GPHN: variants seen among roughly 807,000 people sequenced by gnomAD.
GPHN encodes the protein gephyrin.
In GPHN, 17 loss-of-function variants were observed where a neutral mutation model predicts 95.5. That is an observed-to-expected ratio of 0.18 (90% CI 0.12 to 0.27). The LOEUF (loss-of-function observed/expected upper bound fraction) is 0.27. Among genes scored for constraint, GPHN ranks in the 10% least tolerant of loss-of-function variants. The probability of loss-of-function intolerance (pLI) is 1.00; values close to 1 mark genes in which losing one functional copy is unlikely to be tolerated. For synonymous variants in GPHN, 320 were observed against 322.5 expected, an observed-to-expected ratio of 0.99 and a Z score of 0.08; for missense variants, 660 against 978.1, an observed-to-expected ratio of 0.67 and a Z score of 4.34.
Position 67,144,240 on chromosome 14 carries a change from AAAAAAAAAAAATATATATATATATAT to A in GPHN, c.1836+793_1836+818del, listed in dbSNP as rs1265378662. On this transcript the variant is annotated intron_variant, in intron 18 of 22. Coordinates refer to ENST00000478722, the MANE Select transcript of GPHN (RefSeq NM_020806.5). ...CAACACAGCAAGACCCTGTCTTAAA[AAAAAAAAAAAATATATATATATATAT>A]ATATATATATATATATATATACACA... Among the ~76,000 whole-genome samples, 3 of 54,524 alleles carry A rather than the reference AAAAAAAAAAAATATATATATATATAT, an allele frequency of 5.5e-5. 1 individual carries two copies. Among genetic ancestry groups the A allele is most frequent in the African/African-American group, 3.9e-4 (3 of 7,708 alleles). The allele number at this position is 54,524 out of a possible 152,430, so 35.8% of individuals were successfully genotyped here. A position where few individuals can be genotyped will look rare whatever the true frequency, so the allele number is the denominator to read the frequency against.
At chr14:67,722,415 C>A in the GPHN span, 2 of 606,752 alleles carry the variant, frequency 3.3e-6, no homozygotes, top group Admixed American at 5.5e-5. Flanking sequence ...TCCATCCCCT[C>A]CCCACCAGGA....
intron 10 of GPHN, among the ~76,000 whole-genome samples, chr14:67,045,801 C>G (rs2074989081): frequency 6.6e-6 from 1 of 151,488 alleles, no homozygotes; most frequent in East Asian, 2.0e-4. Flanking sequence ...GCATCTGTCT[C>G]TTTCTCTCTC....
At chr14:67,306,342 CTTTTGTT>C in the GPHN span, among the ~76,000 whole-genome samples, 1 of 151,684 alleles carries the variant, frequency 6.6e-6, no homozygotes, top group African/African-American at 2.4e-5. Context: ...CTTCTTTTCT[CTTTTGTT>C]TTTTGTTTTT....
chr14:67,225,966 C>CGCGCGCGCGCGTGCGCATGCGCGT, the GPHN span, among the ~76,000 whole-genome samples: 1 of 64,114 alleles, frequency 1.6e-5, no homozygotes, highest in African/African-American at 4.3e-5. Context: ...TGTGTGTGCG[C>CGCGCGCGCGCGTGCGCATGCGCGT]GCGCGCGCGT....
At chr14:67,662,761 G>A in the GPHN span, among the ~76,000 whole-genome samples, 47 of 152,038 alleles carry the variant, frequency 3.1e-4, 1 homozygote, top group Middle Eastern at 6.8e-3. Context: ...AAAATTAGCC[G>A]GGCGTGGTGG....
At chr14:67,193,053 T>A in the GPHN span, among the ~76,000 whole-genome samples, 15 of 145,320 alleles carry the variant, frequency 1.0e-4, 1 homozygote, top group Non-Finnish European at 1.5e-5. Context: ...GATATAGATA[T>A]ATCTCTATAT....
Position 66,868,122 on chromosome 14 carries a change from A to T in GPHN, c.295-11817A>T, listed in dbSNP as rs2063296191. Among the ~76,000 whole-genome samples, 2 of 152,174 alleles carry T rather than the reference A, an allele frequency of 1.3e-5. 1 individual carries two copies. Among genetic ancestry groups the T allele is most frequent in the South Asian group, 4.1e-4 (2 of 4,830 alleles). ...ATAACTTAACAAAGTTATTATTAAT[A>T]GTAGTCATTAGCTGGTATTTCAAAG... On this transcript the variant is annotated intron_variant, in intron 4 of 22. Transcript: ENST00000478722.
intron 1 of GPHN, among the ~76,000 whole-genome samples, chr14:66,509,787 A>G (rs570245623): frequency 2.0e-5 from 3 of 152,130 alleles, no homozygotes; most frequent in Non-Finnish European, 2.9e-5. Context: ...AAATTCTGAC[A>G]GGTCGAGACG....
At chr14:66,834,509 T>C (rs2061713108) in intron 4 of GPHN, among the ~76,000 whole-genome samples, 1 of 152,154 alleles carries the variant, frequency 6.6e-6, no homozygotes, top group Non-Finnish European at 1.5e-5. Context: ...TGTATTGAGA[T>C]AATCATGTGG....
At chr14:67,143,267 G>A in intron 17 of GPHN, 95 bp from the exon 18 acceptor site, 2 of 791,234 alleles carry the variant, frequency 2.5e-6, no homozygotes, top group East Asian at 2.5e-5. Context: ...TCATGTTAAT[G>A]CCTATTAGTG....
At chr14:66,932,462 T>TTTTG (rs2066870791) in intron 8 of GPHN, among the ~76,000 whole-genome samples, 5 of 131,262 alleles carry the variant, frequency 3.8e-5, no homozygotes, top group Non-Finnish European at 8.0e-5. Context: ...TTTTTTTTTT[T>TTTTG]TTTTTTTTTT....
chr14:67,325,895 G>T, the GPHN span, among the ~76,000 whole-genome samples: 1 of 150,236 alleles, frequency 6.7e-6, no homozygotes, highest in African/African-American at 2.5e-5. Flanking sequence ...TGCAACCTCC[G>T]CCTCCTGGGT....
At chr14:67,143,744 T>C (rs1290419172) in intron 18 of GPHN, among the ~76,000 whole-genome samples, 1 of 152,142 alleles carries the variant, frequency 6.6e-6, no homozygotes, top group Non-Finnish European at 1.5e-5. Context: ...ACATCCTTTA[T>C]GCATGATATT....
the GPHN span, among the ~76,000 whole-genome samples, chr14:67,363,205 C>T: frequency 6.6e-6 from 1 of 151,760 alleles, no homozygotes. Context: ...ACAGTTTCCC[C>T]ACCCCCACCC....
At chr14:67,093,723 C>G (rs1188322621) in intron 12 of GPHN, among the ~76,000 whole-genome samples, 2 of 152,084 alleles carry the variant, frequency 1.3e-5, no homozygotes, top group African/African-American at 2.4e-5. Flanking sequence ...ATGCCCACCT[C>G]CCTGCGTTCC....
At chr14:67,512,615 A>G in the GPHN span, among the ~76,000 whole-genome samples, 1 of 152,150 alleles carries the variant, frequency 6.6e-6, no homozygotes, top group African/African-American at 2.4e-5. Context: ...CCCTCCCCTC[A>G]AGGACAGCCA....
intron 1 of GPHN, among the ~76,000 whole-genome samples, chr14:66,593,172 T>C (rs2061830571): frequency 6.6e-6 from 1 of 151,962 alleles, no homozygotes; most frequent in African/African-American, 2.4e-5. Context: ...AGGGAAAGGA[T>C]AGCATTAGGA....
the GPHN span, among the ~76,000 whole-genome samples, chr14:67,211,900 C>T: frequency 6.6e-6 from 1 of 152,156 alleles, no homozygotes; most frequent in South Asian, 2.1e-4. Context: ...GAACCAGTTT[C>T]TGTAGGTTCT....
At chr14:66,583,178 GTCT>G (rs1411963805) in intron 1 of GPHN, among the ~76,000 whole-genome samples, 3 of 152,066 alleles carry the variant, frequency 2.0e-5, no homozygotes, top group Non-Finnish European at 4.4e-5. Context: ...CTGCATAAAT[GTCT>G]TCTTTTGAGA....
Sources: gnomAD v4.1 joint callset for allele counts (sites outside exome capture counted in the v4.1 genomes callset) on GRCh38, gnomAD v4.1.1 for gene constraint, MANE v1.5 for transcripts, NCBI Gene and HGNC (gene_info 2026-07-23, HGNC 2026-07-21) for gene names.